The following RASAL2 variants were observed in gnomAD, a reference collection of about 807,000 sequenced individuals.
RASAL2 encodes RAS protein activator like 2, also known as ras GTPase-activating protein nGAP.
Under a neutral mutation model 128.9 loss-of-function variants are expected in RASAL2, and 58 were observed. That is an observed-to-expected ratio of 0.45 (90% CI 0.36 to 0.56). The LOEUF is 0.56. Ranked by LOEUF, RASAL2 falls within the 20% of genes least tolerant of loss-of-function variation. The probability of loss-of-function intolerance (pLI) is 0.00; values close to 1 mark genes in which losing one functional copy is unlikely to be tolerated. For missense variants in RASAL2, 1,360 were observed against 1,601.6 expected (o/e 0.85, Z 2.57); for synonymous variants, 561 against 580.8 (o/e 0.97, Z 0.49).
chr1:178,193,445 A>C (rs1010173042), intron 1 of RASAL2, among the ~76,000 whole-genome samples: 2 of 152,218 alleles, frequency 1.3e-5, no homozygotes, highest in African/African-American at 4.8e-5. Flanking sequence ...TTTTATATTG[A>C]AAATAATAAA....
chr1:178,107,151 TGACTCCTAAC>T (rs1317646034), intron 1 of RASAL2, among the ~76,000 whole-genome samples: 1 of 152,220 alleles, frequency 6.6e-6, no homozygotes, highest in Non-Finnish European at 1.5e-5. Flanking sequence ...AAAAAGTTAG[TGACTCCTAAC>T]GATTCTTGGT....
In RASAL2 at chr1:178,452,578, G is replaced by GT; in HGVS notation, c.1936dup (p.Tyr646LeufsTer3). On this transcript the variant is annotated frameshift_variant, in exon 11 of 18. Transcript: ENST00000367649. LOFTEE classifies it high-confidence loss of function. ...CCAGTCTTTTCAACCTTATGCAGGA[G>GT]TATCCTGATGACCGCACATCTCGGA... is the stretch of plus-strand genomic sequence containing the variant. 1.9e-6 allele frequency: 3 copies of GT among 1,614,080 alleles called. No homozygotes were observed. The highest frequency in any genetic ancestry group is 2.5e-6 in the Non-Finnish European group (3 of 1,179,980).
At chr1:178,160,933 C>T (rs1292288735) in intron 1 of RASAL2, among the ~76,000 whole-genome samples, 2 of 152,178 alleles carry the variant, frequency 1.3e-5, no homozygotes. Context: ...ACTTCTGACC[C>T]TAATAGTGTT....
At chr1:178,173,489 T>G (rs1232365328) in intron 1 of RASAL2, among the ~76,000 whole-genome samples, 1 of 152,102 alleles carries the variant, frequency 6.6e-6, no homozygotes, top group Non-Finnish European at 1.5e-5. Context: ...AAGGTCCTAA[T>G]TTGGTGTTTG....
intron 1 of RASAL2, among the ~76,000 whole-genome samples, chr1:178,182,881 C>T (rs551174107): frequency 3.0e-4 from 45 of 152,094 alleles, no homozygotes; most frequent in African/African-American, 8.4e-4. Flanking sequence ...GAAATGGTTT[C>T]GGGATCAAAC....
chr1:178,402,026 G>A (rs1227823402), intron 4 of RASAL2, among the ~76,000 whole-genome samples: 2 of 152,172 alleles, frequency 1.3e-5, no homozygotes, highest in Admixed American at 6.5e-5. Flanking sequence ...ATGATCAAGA[G>A]CAAATTGTTT....
At chr1:178,145,659 G>C (rs777091623) in intron 1 of RASAL2, among the ~76,000 whole-genome samples, 1 of 151,630 alleles carries the variant, frequency 6.6e-6, no homozygotes, top group Non-Finnish European at 1.5e-5. Flanking sequence ...TATGAAAGAA[G>C]ACTGGAGACA....
intron 1 of RASAL2, among the ~76,000 whole-genome samples, chr1:178,243,149 A>G (rs996614315): frequency 6.6e-6 from 1 of 152,196 alleles, no homozygotes; most frequent in African/African-American, 2.4e-5. Flanking sequence ...ACTCAAGTTT[A>G]GCATGCAGCT....
chr1:178,396,966 T>G (rs1033033295), intron 4 of RASAL2, among the ~76,000 whole-genome samples: 1 of 152,090 alleles, frequency 6.6e-6, no homozygotes, highest in African/African-American at 2.4e-5. Context: ...GAAATACCAC[T>G]TGATGCCCAC....
intron 17 of RASAL2, among the ~76,000 whole-genome samples, chr1:178,472,229 AT>A (rs551393783): frequency 6.6e-6 from 1 of 151,908 alleles, no homozygotes; most frequent in Admixed American, 6.6e-5. Flanking sequence ...TAGACTGCCT[AT>A]TTTTTTTCCT....
chr1:178,234,927 G>C (rs906591506), intron 1 of RASAL2, among the ~76,000 whole-genome samples: 2 of 152,110 alleles, frequency 1.3e-5, no homozygotes, highest in African/African-American at 4.8e-5. Flanking sequence ...CCAAATTAAT[G>C]TATGCCAAAA....
At chr1:178,127,640 A>C (rs1372095131) in intron 1 of RASAL2, among the ~76,000 whole-genome samples, 2 of 152,104 alleles carry the variant, frequency 1.3e-5, no homozygotes, top group African/African-American at 4.8e-5. Flanking sequence ...ATTACATTTT[A>C]TAACTTTGTT....
intron 1 of RASAL2, among the ~76,000 whole-genome samples, chr1:178,244,090 G>A (rs567302680): frequency 6.6e-6 from 1 of 152,192 alleles, no homozygotes; most frequent in Admixed American, 6.5e-5. Flanking sequence ...TGCAAGATTA[G>A]CAATTTAACC....
At chr1:178,097,727 C>T (rs1416324446) in intron 1 of RASAL2, among the ~76,000 whole-genome samples, 1 of 152,082 alleles carries the variant, frequency 6.6e-6, no homozygotes. Context: ...AGTAACCCCC[C>T]AAAGAATATC....
chr1:178,383,367 G>A (rs527824661), intron 3 of RASAL2, among the ~76,000 whole-genome samples: 1 of 152,318 alleles, frequency 6.6e-6, no homozygotes, highest in South Asian at 2.1e-4. Flanking sequence ...GGCAGTAAAA[G>A]TGGGATACAG....
At position 178,477,668 on chromosome 1, in the gene RASAL2, A is replaced by C. The variant is rs1249619243; in HGVS notation, c.*4429A>C. On this transcript the variant is annotated 3_prime_UTR_variant, in exon 18 of 18. Coordinates refer to ENST00000367649, the MANE Select transcript of RASAL2 (RefSeq NM_170692.4). ...CTGTAGACAACACATGCACACACCC[A>C]CACAAAACATAATTCCTGGGGCTTC... 4 of 152,174 alleles carry C rather than the reference A, an allele frequency of 2.6e-5. No individual in the cohort carries two copies. Among genetic ancestry groups the C allele is most frequent in the Non-Finnish European group, 5.9e-5 (4 of 68,034 alleles). The allele number at this position is 152,174 out of a possible 1,614,324, so 9.4% of individuals were successfully genotyped here. A position where few individuals can be genotyped will look rare whatever the true frequency, so the allele number is the denominator to read the frequency against.
chr1:178,329,427 A>C (rs2102362828), intron 3 of RASAL2, among the ~76,000 whole-genome samples: 1 of 152,308 alleles, frequency 6.6e-6, no homozygotes, highest in South Asian at 2.1e-4. Context: ...CATTGTAAAT[A>C]AATACAACCC....
chr1:178,464,489 T>C, intron 15 of RASAL2, 77 bp downstream of exon 15: 3 of 1,540,462 alleles, frequency 1.9e-6, no homozygotes, highest in Non-Finnish European at 2.6e-6. Context: ...GCTAAGAACA[T>C]AAACTCATCC....
At chr1:178,341,729 A>T in intron 3 of RASAL2, 2 of 1,439,804 alleles carry the variant, frequency 1.4e-6, no homozygotes, top group Non-Finnish European at 1.9e-6. Flanking sequence ...CTTTAAAAAA[A>T]TAGGTTGGTT....
Sources: gnomAD v4.1 joint callset for allele counts (sites outside exome capture counted in the v4.1 genomes callset) on GRCh38, gnomAD v4.1.1 for gene constraint, MANE v1.5 for transcripts, NCBI Gene and HGNC (gene_info 2026-07-23, HGNC 2026-07-21) for gene names.